Variants in PTPRT observed in about 807,000 individuals in gnomAD.
The protein encoded by PTPRT is protein tyrosine phosphatase receptor type T.
PTPRT carries 56 observed loss-of-function variants against 176.8 expected under a neutral mutation model. The ratio of observed to expected loss-of-function variants is 0.32; its 90% confidence interval spans 0.26 to 0.40. The LOEUF is 0.40. Among genes scored for constraint, PTPRT ranks in the 10% least tolerant of loss-of-function variants. The pLI is 1.00. For synonymous variants in PTPRT, 783 were observed against 739.0 expected (o/e 1.06, Z -0.96); for missense variants, 1,540 against 1,908.2 (o/e 0.81, Z 3.60).
chr20:42,151,268 C>T (rs1408334037), intron 17 of PTPRT, among the ~76,000 whole-genome samples: 6 of 152,132 alleles, frequency 3.9e-5, no homozygotes, highest in Non-Finnish European at 8.8e-5. Context: ...GCCCCGCATA[C>T]ATTAGGTATT....
intron 7 of PTPRT, among the ~76,000 whole-genome samples, chr20:42,569,849 A>C (rs922987763): frequency 6.6e-6 from 1 of 152,176 alleles, no homozygotes; most frequent in Non-Finnish European, 1.5e-5. Flanking sequence ...GAGCTAAATA[A>C]ATGTTCATTT....
intron 6 of PTPRT, among the ~76,000 whole-genome samples, chr20:42,718,139 C>T (rs2076253157): frequency 6.6e-6 from 1 of 152,106 alleles, no homozygotes; most frequent in South Asian, 2.1e-4. Context: ...AGAATATTTA[C>T]AGTCACGTGG....
chr20:42,347,289 C>T (rs2058208541), intron 11 of PTPRT, among the ~76,000 whole-genome samples: 1 of 152,202 alleles, frequency 6.6e-6, no homozygotes, highest in African/African-American at 2.4e-5. Context: ...TAACCCAGTG[C>T]ATCTAGTGAG....
At chr20:43,016,162 G>C (rs945960149) in intron 1 of PTPRT, among the ~76,000 whole-genome samples, 4 of 150,890 alleles carry the variant, frequency 2.7e-5, no homozygotes, top group Non-Finnish European at 5.9e-5. Context: ...TTTGGGGACA[G>C]GGGGTATGGA....
intron 1 of PTPRT, among the ~76,000 whole-genome samples, chr20:43,041,090 A>C (rs967901808): frequency 1.3e-5 from 2 of 152,194 alleles, no homozygotes; most frequent in Non-Finnish European, 2.9e-5. Flanking sequence ...CAAGCCCTGC[A>C]TGTGATTCTA....
rs1443601028 is a variant in PTPRT at position 42,476,836 on chromosome 20, G to A, written c.1154-4274C>T. 5.9e-5 allele frequency among the ~76,000 whole-genome samples: 9 copies of A among 152,310 alleles called. No homozygotes were observed. In the East Asian group the frequency reaches 1.7e-3, roughly 30 times the overall value. ...GGAAGTTGAGACTCAGTGAAGAGAT[G>A]TAACTTACCCAGGGCCACATGGCCG... On this transcript the variant is annotated intron_variant, in intron 7 of 30. Transcript: ENST00000373187.
At chr20:42,653,094 A>G (rs1286860181) in intron 7 of PTPRT, among the ~76,000 whole-genome samples, 1 of 152,132 alleles carries the variant, frequency 6.6e-6, no homozygotes, top group Non-Finnish European at 1.5e-5. Context: ...ATGTCGTGGG[A>G]GGGACCCAGT....
chr20:43,142,766 G>A (rs2014055891), intron 1 of PTPRT, among the ~76,000 whole-genome samples: 1 of 152,210 alleles, frequency 6.6e-6, no homozygotes, highest in Non-Finnish European at 1.5e-5. Flanking sequence ...CAAGGGGCAG[G>A]AGAAGCCGTG....
At chr20:42,330,089 C>T (rs2057946297) in intron 11 of PTPRT, among the ~76,000 whole-genome samples, 1 of 152,134 alleles carries the variant, frequency 6.6e-6, no homozygotes, top group African/African-American at 2.4e-5. Flanking sequence ...CTACTTGACT[C>T]CAGAAGTGCT....
At chr20:42,699,463 A>G (rs918846917) in intron 6 of PTPRT, among the ~76,000 whole-genome samples, 1 of 148,964 alleles carries the variant, frequency 6.7e-6, no homozygotes, top group African/African-American at 2.5e-5. Flanking sequence ...ATAGTCAAAA[A>G]TGTACATTAA....
At chr20:42,133,667 C>A (rs2146382311) in intron 18 of PTPRT, among the ~76,000 whole-genome samples, 2 of 152,230 alleles carry the variant, frequency 1.3e-5, no homozygotes, top group African/African-American at 4.8e-5. Flanking sequence ...ACATAAAAAG[C>A]AAACCTGAAT....
the PTPRT span, among the ~76,000 whole-genome samples, chr20:42,047,095 G>T: frequency 1.2e-4 from 18 of 152,294 alleles, no homozygotes; most frequent in East Asian, 2.7e-3. Context: ...ACTTAGTGTG[G>T]ACAAGTAACT....
At chr20:42,885,200 G>A (rs998461084) in intron 2 of PTPRT, among the ~76,000 whole-genome samples, 10 of 146,068 alleles carry the variant, frequency 6.8e-5, no homozygotes, top group Non-Finnish European at 1.1e-4. Flanking sequence ...AAAAATCTGT[G>A]GAAGTATCCC....
intron 1 of PTPRT, among the ~76,000 whole-genome samples, chr20:43,170,073 T>C (rs1019609212): frequency 6.6e-6 from 1 of 151,992 alleles, no homozygotes; most frequent in African/African-American, 2.4e-5. Context: ...CACCCACCGG[T>C]GTTGATGTGT....
chr20:42,955,724 T>C (rs943911680), intron 1 of PTPRT, among the ~76,000 whole-genome samples: 13 of 151,846 alleles, frequency 8.6e-5, no homozygotes, highest in African/African-American at 2.7e-4. Flanking sequence ...CAAACCACAG[T>C]GCAGCCCAGG....
At chr20:42,909,134 G>A (rs576702331) in intron 1 of PTPRT, among the ~76,000 whole-genome samples, 26 of 152,242 alleles carry the variant, frequency 1.7e-4, no homozygotes, top group African/African-American at 5.1e-4. Flanking sequence ...CAGTCTGGGC[G>A]ACAGAGCAAG....
chr20:42,185,512 C>T (rs768189817), intron 16 of PTPRT, among the ~76,000 whole-genome samples: 2 of 152,110 alleles, frequency 1.3e-5, no homozygotes, highest in Non-Finnish European at 2.9e-5. Flanking sequence ...TGTAAAATTC[C>T]CTTCAGTGTT....
intron 9 of PTPRT, among the ~76,000 whole-genome samples, chr20:42,369,200 C>T (rs2145592410): frequency 6.6e-6 from 1 of 152,204 alleles, no homozygotes; most frequent in South Asian, 2.1e-4. Context: ...TGGGCTCAAG[C>T]AATCCTCCCA....
chr20:42,489,506 CT>C (rs10708331), intron 7 of PTPRT, among the ~76,000 whole-genome samples: 37,206 of 147,002 alleles, frequency 0.25, 6,107 homozygotes, highest in African/African-American at 0.48. Context: ...CCTATCCTGA[CT>C]TTTTTTTTTT....
Sources: allele counts gnomAD v4.1 joint callset (sites outside exome capture counted in the v4.1 genomes callset), GRCh38; gene constraint gnomAD v4.1.1; transcripts MANE v1.5; gene names NCBI Gene and HGNC (gene_info 2026-07-23, HGNC 2026-07-21).